The following TRA2B variants were observed in gnomAD, a reference collection of about 807,000 sequenced individuals.
TRA2B encodes the protein transformer 2 beta homolog, also known as transformer-2 protein homolog beta.
A neutral mutation model predicts 41.7 loss-of-function variants in TRA2B; 14 were observed. The observed-to-expected ratio is 0.34, with a 90% CI of 0.22 to 0.53. The LOEUF is 0.53. Among genes scored for constraint, TRA2B ranks in the 20% least tolerant of loss-of-function variants. TRA2B has a pLI of 0.95. For missense variants in TRA2B, 167 were observed against 396.8 expected (o/e 0.42, Z 4.92); for synonymous variants, 130 against 128.8 (o/e 1.01, Z -0.06).
At chr3:185,936,957 C>T in intron 1 of TRA2B, 12 of 985,420 alleles carry the variant, frequency 1.2e-5, no homozygotes, top group Non-Finnish European at 1.3e-5. Context: ...CCAACACACG[C>T]TGTGGTTCTA....
intron 1 of TRA2B, chr3:185,931,956 TA>T (rs34361789): frequency 0.38 from 192,726 of 505,918 alleles, 11,346 homozygotes; most frequent in Non-Finnish European, 0.4. Flanking sequence ...TGATTTGGAT[TA>T]AAAAAAAAAA....
intron 5 of TRA2B, 87 bp downstream of exon 5, chr3:185,921,924 C>T (rs1355838247): frequency 1.4e-5 from 13 of 918,986 alleles, no homozygotes; most frequent in Admixed American, 2.4e-5. Flanking sequence ...TGGCACAAAC[C>T]TAAGTGCTGA....
intron 4 of TRA2B, chr3:185,923,504 ATT>A (rs1743819700): frequency 4.4e-6 from 1 of 226,232 alleles, no homozygotes; most frequent in South Asian, 1.7e-4. Flanking sequence ...GCTTTTGGTT[ATT>A]TTTGACTCTA....
intron 1 of TRA2B, chr3:185,936,408 A>G: frequency 1.0e-6 from 1 of 985,438 alleles, no homozygotes; most frequent in Non-Finnish European, 1.2e-6. Context: ...GCTTCGGGAA[A>G]AACATCAAAA....
intron 1 of TRA2B, chr3:185,935,734 A>G: frequency 1.0e-6 from 1 of 985,458 alleles, no homozygotes; most frequent in Non-Finnish European, 1.2e-6. Flanking sequence ...GGTTTTCCCA[A>G]GCTTGCTTTG....
intron 1 of TRA2B, among the ~76,000 whole-genome samples, chr3:185,933,415 G>A (rs1744223127): frequency 6.6e-6 from 1 of 152,138 alleles, no homozygotes; most frequent in South Asian, 2.1e-4. Flanking sequence ...CTAATGTTAT[G>A]TACATTTAGT....
At chr3:185,936,634 T>C in intron 1 of TRA2B, 1 of 985,148 alleles carries the variant, frequency 1.0e-6, no homozygotes, top group South Asian at 4.7e-5. Flanking sequence ...ATTCAGATCT[T>C]AAGGTAGCTT....
In TRA2B at chr3:185,917,263, G is replaced by A. The variant is rs935964335; in HGVS notation, c.*452C>T. On this transcript the variant is annotated 3_prime_UTR_variant, in exon 9 of 9. Coordinates refer to ENST00000453386, the MANE Select transcript of TRA2B (RefSeq NM_004593.3). The stretch of plus-strand genomic sequence containing the variant: ...ATGGACTGGAGGAAAACGGGCATTT[G>A]TCTTTAAATTTACTACTGACAATCT... 2 of 157,600 alleles carry A rather than the reference G, an allele frequency of 1.3e-5. No individual in the cohort carries two copies. Among genetic ancestry groups the A allele is most frequent in the Non-Finnish European group, 2.8e-5 (2 of 71,538 alleles). The allele number at this position is 157,600 out of a possible 1,614,324, so 9.8% of individuals were successfully genotyped here. A position where few individuals can be genotyped will look rare whatever the true frequency, so the allele number is the denominator to read the frequency against.
intron 1 of TRA2B, among the ~76,000 whole-genome samples, chr3:185,933,640 T>C (rs1173264028): frequency 6.6e-6 from 1 of 152,084 alleles, no homozygotes; most frequent in Non-Finnish European, 1.5e-5. Flanking sequence ...CATATCAATA[T>C]AATAAGGACT....
rs1042361644 is a variant in TRA2B at position 185,915,496 on chromosome 3, A to G, written c.*2219T>C. Among the ~76,000 whole-genome samples the G allele has an allele frequency of 2.6e-5, 4 of 152,084 alleles. No homozygotes were observed. Among genetic ancestry groups the G allele is most frequent in the African/African-American group, 9.7e-5 (4 of 41,404 alleles). On this transcript the variant is annotated 3_prime_UTR_variant, in exon 9 of 9. Transcript: ENST00000453386. ...TACGGGTAACTGCTGCCTCCCTTTCATGAAACTGGCGACTAGCATTACAGC... is the reference window on the plus strand; with the variant it reads ...TACGGGTAACTGCTGCCTCCCTTTCGTGAAACTGGCGACTAGCATTACAGC...
rs1743504069 is a variant in TRA2B, at chr3:185,916,496, A to C, written c.*1219T>G. 1 of 152,216 alleles carries C rather than the reference A, an allele frequency of 6.6e-6. No individual in the cohort carries two copies. Among genetic ancestry groups the C allele is most frequent in the African/African-American group, 2.4e-5 (1 of 41,446 alleles). The allele number at this position is 152,216 out of a possible 1,614,324, so 9.4% of individuals were successfully genotyped here. A position where few individuals can be genotyped will look rare whatever the true frequency, so the allele number is the denominator to read the frequency against. On this transcript the variant is annotated 3_prime_UTR_variant, in exon 9 of 9. Coordinates refer to ENST00000453386, the MANE Select transcript of TRA2B (RefSeq NM_004593.3). ...AATTACTTAAATGCAAAATAATAAG[A>C]ACATGTATTAAAGTACCCGCAGTCT...
intron 1 of TRA2B, among the ~76,000 whole-genome samples, chr3:185,930,589 GCTGA>G (rs909635352): frequency 3.0e-4 from 45 of 152,250 alleles, no homozygotes; most frequent in African/African-American, 8.9e-4. Context: ...AAAACCGCTG[GCTGA>G]CTACTACTGG....
intron 5 of TRA2B, 103 bp downstream of exon 5, chr3:185,921,908 A>G (rs763115962): frequency 2.9e-5 from 21 of 731,864 alleles, no homozygotes; most frequent in Non-Finnish European, 4.4e-5. Context: ...TCAACAGTCA[A>G]GTTTATGGCA....
chr3:185,918,915 A>G (rs2150111322), intron 7 of TRA2B, among the ~76,000 whole-genome samples: 1 of 152,320 alleles, frequency 6.6e-6, no homozygotes, highest in South Asian at 2.1e-4. Context: ...CAGAGACTGC[A>G]GTGAGCTCAA....
Position 185,931,926 on chromosome 3 carries a change from GA to G in TRA2B, c.37-5193del, listed in dbSNP as rs562003449. On this transcript the variant is annotated intron_variant, in intron 1 of 8. Coordinates refer to ENST00000453386, the MANE Select transcript of TRA2B (RefSeq NM_004593.3). ...AAATCCAGTGCCAAAACTGAAACTA[GA>G]AAAAAAAAATCCCTTTGTTGATTTG... 2.2e-3 allele frequency: 1,571 copies of G among 709,148 alleles called. 4 individuals carry two copies. Among genetic ancestry groups the G allele is most frequent in the South Asian group, 0.017 (328 of 19,776 alleles). 43.9% of individuals were successfully genotyped at this position (709,148 alleles called of 1,614,324 possible).
chr3:185,921,646 C>A (rs886418100), intron 5 of TRA2B, among the ~76,000 whole-genome samples: 5 of 152,170 alleles, frequency 3.3e-5, no homozygotes, highest in African/African-American at 1.2e-4. Flanking sequence ...CGCCTGTAGT[C>A]CCAGCTACTC....
chr3:185,922,474 G>A (rs2150113273), intron 4 of TRA2B: 1 of 163,528 alleles, frequency 6.1e-6, no homozygotes, highest in South Asian at 2.0e-4. Context: ...TAACTAGGGG[G>A]AAAAACAGTA....
intron 1 of TRA2B, chr3:185,935,282 A>C: frequency 1.0e-6 from 1 of 985,446 alleles, no homozygotes; most frequent in Admixed American, 6.1e-5. Context: ...TGGCCAGATC[A>C]GGTTAAGCCT....
intron 1 of TRA2B, chr3:185,928,369 G>A (rs942401793): frequency 6.6e-6 from 1 of 152,178 alleles, no homozygotes; most frequent in African/African-American, 2.4e-5. Flanking sequence ...AAATGTGACA[G>A]CCTTTCCCCT....
Sources: gnomAD v4.1 joint callset for allele counts (sites outside exome capture counted in the v4.1 genomes callset) on GRCh38, gnomAD v4.1.1 for gene constraint, MANE v1.5 for transcripts, NCBI Gene and HGNC (gene_info 2026-07-23, HGNC 2026-07-21) for gene names.